The following CACNB2 variants were observed in gnomAD, a reference collection of about 807,000 sequenced individuals.
CACNB2 encodes the protein calcium voltage-gated channel auxiliary subunit beta 2.
Under a neutral mutation model 73.3 loss-of-function variants are expected in CACNB2, and 42 were observed. The ratio of observed to expected loss-of-function variants is 0.57; its 90% CI spans 0.45 to 0.74. CACNB2 has a LOEUF of 0.74. CACNB2 is among the 30% of genes least tolerant of loss of function. The pLI, the probability that CACNB2 is intolerant of heterozygous loss-of-function variation, is 0.00. For missense variants in CACNB2, 940 were observed against 853.0 expected, an observed-to-expected ratio of 1.10 and a Z score of -1.27; for synonymous variants, 348 against 310.3, an observed-to-expected ratio of 1.12 and a Z score of -1.28.
chr10:18,358,999 T>C (rs996675179), intron 2 of CACNB2, among the ~76,000 whole-genome samples: 6 of 152,204 alleles, frequency 3.9e-5, no homozygotes, highest in Admixed American at 3.9e-4. Flanking sequence ...GGAAATGTTA[T>C]GTCAGCTTTA....
intron 2 of CACNB2, among the ~76,000 whole-genome samples, chr10:18,310,831 C>T (rs1356694132): frequency 6.6e-6 from 1 of 151,760 alleles, no homozygotes; most frequent in Non-Finnish European, 1.5e-5. Context: ...CATCCACCCA[C>T]CTTGTCCTCC....
intron 2 of CACNB2, among the ~76,000 whole-genome samples, chr10:18,276,192 A>T (rs1479695314): frequency 3.9e-5 from 6 of 152,238 alleles, no homozygotes; most frequent in African/African-American, 1.4e-4. Flanking sequence ...AGACAATTTC[A>T]CGATAAATTA....
At chr10:18,317,330 TA>T (rs1248758514) in intron 2 of CACNB2, among the ~76,000 whole-genome samples, 1 of 152,116 alleles carries the variant, frequency 6.6e-6, no homozygotes, top group African/African-American at 2.4e-5. Flanking sequence ...TTTGGGCTTC[TA>T]AAGATCCCAT....
chr10:18,447,655 G>A (rs934942879), intron 3 of CACNB2, among the ~76,000 whole-genome samples: 2 of 151,470 alleles, frequency 1.3e-5, no homozygotes, highest in Admixed American at 6.6e-5. Context: ...GCTTTGGAAA[G>A]AATTGTTTTA....
chr10:18,331,948 G>T (rs2040823957), intron 2 of CACNB2, among the ~76,000 whole-genome samples: 1 of 152,158 alleles, frequency 6.6e-6, no homozygotes, highest in Non-Finnish European at 1.5e-5. Flanking sequence ...ACTCTAAGCA[G>T]ATGGAAGAGA....
At chr10:18,539,066 C>A (rs2053888949) in intron 13 of CACNB2, 164 bp from the exon 14 acceptor site, 4 of 840,652 alleles carry the variant, frequency 4.8e-6, no homozygotes, top group Non-Finnish European at 8.0e-6. Flanking sequence ...TAGTATAAAG[C>A]CTTATAAATG....
chr10:18,324,044 A>T (rs781203877), intron 2 of CACNB2, among the ~76,000 whole-genome samples: 3 of 152,230 alleles, frequency 2.0e-5, no homozygotes, highest in Non-Finnish European at 2.9e-5. Context: ...CTAACTGATC[A>T]TACGAATGAG....
intron 3 of CACNB2, among the ~76,000 whole-genome samples, chr10:18,475,243 C>T (rs1183265528): frequency 1.3e-5 from 2 of 151,874 alleles, no homozygotes; most frequent in Non-Finnish European, 1.5e-5. Context: ...AGCTTTGTTA[C>T]TTAGGCACCA....
At chr10:18,467,942 A>AT (rs2047986150) in intron 3 of CACNB2, among the ~76,000 whole-genome samples, 1 of 152,330 alleles carries the variant, frequency 6.6e-6, no homozygotes, top group South Asian at 2.1e-4. Context: ...AGTATGATAC[A>AT]TACAATATTG....
intron 3 of CACNB2, among the ~76,000 whole-genome samples, chr10:18,471,421 T>C (rs910288152): frequency 4.6e-5 from 7 of 152,212 alleles, no homozygotes; most frequent in Non-Finnish European, 8.8e-5. Context: ...ACTACCCTTT[T>C]CCCTACAGAA....
intron 2 of CACNB2, among the ~76,000 whole-genome samples, chr10:18,264,238 G>A (rs2037686630): frequency 6.6e-6 from 1 of 152,104 alleles, no homozygotes; most frequent in South Asian, 2.1e-4. Flanking sequence ...TAAGATGCTT[G>A]GATACAGGTA....
intron 3 of CACNB2, among the ~76,000 whole-genome samples, chr10:18,471,613 C>G (rs1681775091): frequency 6.6e-6 from 1 of 152,088 alleles, no homozygotes; most frequent in South Asian, 2.1e-4. Flanking sequence ...AAAATTGGAG[C>G]AGAAATTATG....
intron 2 of CACNB2, among the ~76,000 whole-genome samples, chr10:18,378,911 G>T (rs899175745): frequency 2.5e-4 from 38 of 152,122 alleles, no homozygotes; most frequent in African/African-American, 2.9e-4. Context: ...GAACAAATTT[G>T]AGTTGAGTGC....
intron 2 of CACNB2, among the ~76,000 whole-genome samples, chr10:18,307,958 T>G (rs886096459): frequency 6.8e-6 from 1 of 147,918 alleles, no homozygotes; most frequent in Non-Finnish European, 1.5e-5. Flanking sequence ...GTAGGATAAC[T>G]TAAGTCTAAA....
At chr10:18,421,681 G>T (rs775723533) in intron 3 of CACNB2, among the ~76,000 whole-genome samples, 16 of 152,128 alleles carry the variant, frequency 1.1e-4, no homozygotes, top group Non-Finnish European at 1.8e-4. Context: ...ATATGAATCT[G>T]TGAGCCTTCT....
chr10:18,471,891 A>G (rs1203976748), intron 3 of CACNB2, among the ~76,000 whole-genome samples: 7 of 152,198 alleles, frequency 4.6e-5, no homozygotes, highest in Non-Finnish European at 8.8e-5. Flanking sequence ...TACAAATATC[A>G]TATACTACTC....
At chr10:18,445,104 G>A (rs1410433654) in intron 3 of CACNB2, among the ~76,000 whole-genome samples, 1 of 152,124 alleles carries the variant, frequency 6.6e-6, no homozygotes, top group African/African-American at 2.4e-5. Flanking sequence ...TGAGATAGGT[G>A]TTTTGCTTCT....
intron 2 of CACNB2, among the ~76,000 whole-genome samples, chr10:18,311,854 G>T (rs1231262393): frequency 6.6e-6 from 1 of 152,154 alleles, no homozygotes; most frequent in African/African-American, 2.4e-5. Flanking sequence ...TCAGGGAACC[G>T]CCTGGTAGGG....
At chr10:18,243,830 G>A (rs908191355) in intron 2 of CACNB2, among the ~76,000 whole-genome samples, 3 of 152,130 alleles carry the variant, frequency 2.0e-5, no homozygotes, top group Non-Finnish European at 4.4e-5. Flanking sequence ...CCAACCACCA[G>A]AATCATGAGC....
Sources: allele counts gnomAD v4.1 joint callset (sites outside exome capture counted in the v4.1 genomes callset), GRCh38; gene constraint gnomAD v4.1.1; transcripts MANE v1.5; gene names NCBI Gene and HGNC (gene_info 2026-07-23, HGNC 2026-07-21).